CDK18: variants seen among roughly 807,000 people sequenced by gnomAD.
CDK18 encodes cyclin-dependent kinase 18.
Under a neutral mutation model 62.0 loss-of-function variants are expected in CDK18, and 52 were observed. The observed-to-expected ratio is 0.84, with a 90% CI of 0.67 to 1.06. The LOEUF (loss-of-function observed/expected upper bound fraction) is 1.06. Ranked by LOEUF, CDK18 falls within the 50% of genes least tolerant of loss-of-function variation. The pLI, the probability that CDK18 is intolerant of heterozygous loss-of-function variation, is 0.00. For synonymous variants in CDK18, 237 were observed against 247.0 expected, an observed-to-expected ratio of 0.96 and a Z score of 0.38; for missense variants, 604 against 619.9, an observed-to-expected ratio of 0.97 and a Z score of 0.27.
chr1:205,514,224 G>C (rs1236553833), intron 1 of CDK18, among the ~76,000 whole-genome samples: 2 of 152,220 alleles, frequency 1.3e-5, no homozygotes, highest in Non-Finnish European at 2.9e-5. Flanking sequence ...GGGGACAGTG[G>C]AGTTTCGGGC....
intron 3 of CDK18, 130 bp from the exon 4 acceptor site, chr1:205,524,102 C>CA (rs1668290165): frequency 9.2e-7 from 1 of 1,090,072 alleles, no homozygotes; most frequent in African/African-American, 1.5e-5. Context: ...CCTGGGGTCA[C>CA]AGCCTGTGAT....
intron 8 of CDK18, 80 bp downstream of exon 8, chr1:205,526,917 C>T (rs1668464806): frequency 4.3e-6 from 5 of 1,168,364 alleles, no homozygotes; most frequent in Non-Finnish European, 6.4e-6. Flanking sequence ...CTCTCACCAC[C>T]AGGGATCCGG....
At chr1:205,513,975 A>G (rs932130684) in intron 1 of CDK18, among the ~76,000 whole-genome samples, 2 of 152,208 alleles carry the variant, frequency 1.3e-5, no homozygotes, top group African/African-American at 4.8e-5. Context: ...GTTTCAGCTG[A>G]GGCCTCGAGT....
chr1:205,509,439 G>A (rs1306351179), intron 1 of CDK18, among the ~76,000 whole-genome samples: 1 of 152,188 alleles, frequency 6.6e-6, no homozygotes, highest in Non-Finnish European at 1.5e-5. Flanking sequence ...TCCACCATGG[G>A]TGGAGGCAAT....
Position 205,530,336 on chromosome 1 carries a change from C to T in CDK18, c.1299C>T (p.His433=), listed in dbSNP as rs755927387. The change falls in exon 14 of 16, where the codon CAC becomes CAT. Residue 433 remains histidine, a synonymous_variant. Transcript: ENST00000429964. ...SYFRSLGERV[H]QLEDTASIFS... is the part of the protein sequence containing the mutation. ...TCCGGTCTCTGGGAGAGCGTGTGCACCAGCTTGAAGACAGTGAGTACTGGG... is the reference window on the plus strand; with the variant it reads ...TCCGGTCTCTGGGAGAGCGTGTGCATCAGCTTGAAGACAGTGAGTACTGGG... The T allele has an allele frequency of 6.2e-7, 1 of 1,612,832 alleles. No homozygotes were observed. The highest frequency in any genetic ancestry group is 1.1e-5 in the South Asian group (1 of 91,078).
In CDK18 at chr1:205,528,804, A is replaced by G; in HGVS notation, c.975-195A>G. Reference sequence around the variant, plus strand: ...AGTCGCAGCTTTCCCGAGCCCAGGGAAGCCCCCCAGAGAGGGGCTGTAGTG... The same window carrying G: ...AGTCGCAGCTTTCCCGAGCCCAGGGGAGCCCCCCAGAGAGGGGCTGTAGTG... On this transcript the variant is annotated intron_variant, in intron 10 of 15. Transcript: ENST00000429964. This position sits in a 1 kb window ranked among gnomAD's most constrained non-coding sequence, Gnocchi z 4.2. 1 of 470,268 alleles carries G rather than the reference A, an allele frequency of 2.1e-6. No homozygotes were observed. The highest frequency in any genetic ancestry group is 3.8e-6 in the Non-Finnish European group (1 of 265,102). 29.1% of individuals were successfully genotyped at this position (470,268 alleles called of 1,614,324 possible). A position where few individuals can be genotyped will look rare whatever the true frequency, so the allele number is the denominator to read the frequency against.
chr1:205,529,286 C>T (rs759018539), intron 11 of CDK18, 38 bp from the exon 12 acceptor site: 2 of 1,579,966 alleles, frequency 1.3e-6, no homozygotes, highest in Admixed American at 1.7e-5. Context: ...GGCCCTGGGC[C>T]TCACGCAGGC....
intron 1 of CDK18, among the ~76,000 whole-genome samples, chr1:205,506,187 G>GGGC (rs1667298108): frequency 6.6e-6 from 1 of 152,174 alleles, no homozygotes; most frequent in Admixed American, 6.5e-5. Flanking sequence ...GTGGAGTACA[G>GGGC]GGCGACACTG....
intron 1 of CDK18, among the ~76,000 whole-genome samples, chr1:205,514,604 G>A (rs528200708): frequency 1.2e-3 from 185 of 152,326 alleles, no homozygotes; most frequent in Non-Finnish European, 2.3e-3. Context: ...AGGTGACTAA[G>A]ATACAGTCTT....
chr1:205,523,163 C>G lies in CDK18; in HGVS notation c.-5C>G, dbSNP rs746346243. ...CCATCTCAGGACCCGGCTGCCCAGT[C>G]CCTCATGATCATGAACAAGATGAAG... On this transcript the variant is annotated 5_prime_UTR_variant, in exon 2 of 16. Coordinates refer to ENST00000429964, the MANE Select transcript of CDK18 (RefSeq NM_212502.3). 1.7e-5 allele frequency: 27 copies of G among 1,604,070 alleles called. No individual in the cohort carries two copies. Among genetic ancestry groups the G allele is most frequent in the Non-Finnish European group, 2.0e-5 (23 of 1,173,990 alleles).
At chr1:205,525,100 G>A (rs780855607) in intron 4 of CDK18, 39 bp from the exon 5 acceptor site, 1 of 1,502,660 alleles carries the variant, frequency 6.7e-7, no homozygotes, top group Non-Finnish European at 9.2e-7. Context: ...AGCTGCTAAG[G>A]GCTTCAAGCT....
intron 1 of CDK18, among the ~76,000 whole-genome samples, chr1:205,505,874 A>G (rs1667281049): frequency 6.6e-6 from 1 of 152,082 alleles, no homozygotes; most frequent in African/African-American, 2.4e-5. Context: ...CTTCCGCGCT[A>G]TCTGCTACTG....
intron 8 of CDK18, 92 bp downstream of exon 8, chr1:205,526,929 T>C: frequency 2.8e-6 from 3 of 1,053,928 alleles, no homozygotes; most frequent in Non-Finnish European, 4.4e-6. Flanking sequence ...GGGATCCGGC[T>C]GCTGAGGTGG....
At position 205,529,424 on chromosome 1, in the gene CDK18, G is replaced by T. The variant is rs757550284; in HGVS notation, c.1173G>T (p.Ala391=). The T allele has an allele frequency of 1.9e-6, 3 of 1,613,560 alleles. No individual in the cohort carries two copies. The highest frequency in any genetic ancestry group is 3.3e-5 in the Admixed American group (2 of 59,972). Residue 391 remains alanine (A), a synonymous_variant, in exon 12 of 16, where the codon GCG becomes GCT. Transcript: ENST00000429964. The part of the protein sequence containing the change: ...CYLPQPLINH[A]PRLDTDGIHL... The stretch of plus-strand genomic sequence containing the variant: ...TCCCGCAGCCGCTCATCAACCACGC[G>T]CCCAGGTAGCCCCTGCGCCCGCCGC...
In CDK18 at chr1:205,524,355, C is replaced by G. The variant is rs769504465; in HGVS notation, c.397C>G (p.Leu133Val). 7 of 1,614,030 alleles carry G rather than the reference C, an allele frequency of 4.3e-6. No individual in the cohort carries two copies. In the South Asian group the frequency reaches 7.7e-5, roughly 18 times the overall value. ...PLSRMSRRAS[L>V]SDIGFGKLET... ...CAGCCGCATGTCCCGCCGGGCCTCC[C>G]TGGTGAGTCCCAAGAGGGTCAGAGG... The change falls in exon 4 of 16, where the codon CTG (leucine) becomes GTG (valine). Residue 133 changes from leucine (L) to valine (V), a missense_variant and splice_region_variant. Leu to Val is a conservative substitution (Grantham distance 32). Coordinates refer to ENST00000429964, the MANE Select transcript of CDK18 (RefSeq NM_212502.3).
intron 1 of CDK18, among the ~76,000 whole-genome samples, chr1:205,519,390 G>T (rs1248330048): frequency 5.3e-5 from 8 of 151,928 alleles, no homozygotes. Context: ...CATCCACTCT[G>T]CTGTGGTCAC....
At chr1:205,529,875 T>C in intron 13 of CDK18, 1 of 1,351,198 alleles carries the variant, frequency 7.4e-7, no homozygotes, top group Non-Finnish European at 9.8e-7. Context: ...TGAGGATACA[T>C]TGAGATGACG....
At chr1:205,526,911 C>A (rs1668464217) in intron 8 of CDK18, 74 bp downstream of exon 8, 4 of 1,216,774 alleles carry the variant, frequency 3.3e-6, no homozygotes, top group Non-Finnish European at 4.9e-6. Flanking sequence ...GACCCACTCT[C>A]ACCACCAGGG....
rs149674139 is a variant in CDK18 at position 205,527,816 on chromosome 1, G to A, written c.752G>A (p.Arg251Gln). 34 of 1,613,848 alleles carry A rather than the reference G, an allele frequency of 2.1e-5. No individual in the cohort carries two copies. Among genetic ancestry groups the A allele is most frequent in the African/African-American group, 8.0e-5 (6 of 74,978 alleles). Residue 251 changes from arginine (R) to glutamine (Q), a missense_variant, in exon 9 of 16, where the codon CGG becomes CAG. Coordinates refer to ENST00000429964, the MANE Select transcript of CDK18 (RefSeq NM_212502.3). This position sits in a 1 kb window ranked among gnomAD's most constrained non-coding sequence, Gnocchi z 4.1. ...NVKIFMFQLLRGLAYCHHRKI... is the reference protein window; with the variant it reads ...NVKIFMFQLLQGLAYCHHRKI... Reference sequence around the variant, plus strand: ...CAGATTTTCATGTTCCAGCTGCTCCGGGGCCTCGCCTACTGTCACCACCGC... The same window carrying A: ...CAGATTTTCATGTTCCAGCTGCTCCAGGGCCTCGCCTACTGTCACCACCGC...
Sources: allele counts gnomAD v4.1 joint callset (sites outside exome capture counted in the v4.1 genomes callset), GRCh38; gene constraint gnomAD v4.1.1; non-coding constraint Gnocchi (gnomAD v3.1); transcripts MANE v1.5; gene names NCBI Gene and HGNC (gene_info 2026-07-23, HGNC 2026-07-21).